The following APOO variants were observed in gnomAD, a reference collection of about 807,000 sequenced individuals.
APOO encodes MICOS complex subunit MIC26.
Under a neutral mutation model 23.1 loss-of-function variants are expected in APOO, and 11 were observed. That is an observed-to-expected ratio of 0.48 (90% CI 0.30 to 0.79). The LOEUF is 0.79. Among genes scored for constraint, APOO ranks in the 30% least tolerant of loss-of-function variants. APOO has a pLI of 0.07. For synonymous variants in APOO, 59 were observed against 54.8 expected, an observed-to-expected ratio of 1.08 and a Z score of -0.34; for missense variants, 160 against 142.7, an observed-to-expected ratio of 1.12 and a Z score of -0.62.
intron 1 of APOO, among the ~76,000 whole-genome samples, chrX:23,893,053 G>C (rs1394209120): frequency 9.1e-6 from 1 of 109,445 alleles, no homozygotes; most frequent in Non-Finnish European, 1.9e-5. Context: ...AAATGATGAA[G>C]ACAATAAAAA....
chrX:23,837,708 G>A (rs1923762371), intron 8 of APOO, among the ~76,000 whole-genome samples: 1 of 108,852 alleles, frequency 9.2e-6, no homozygotes, highest in South Asian at 3.9e-4. Flanking sequence ...TGCCCAGGTT[G>A]GAGTGCAGTG....
At chrX:23,872,310 T>C (rs370703232) in intron 4 of APOO, among the ~76,000 whole-genome samples, 5 of 110,606 alleles carry the variant, frequency 4.5e-5, no homozygotes, top group East Asian at 2.9e-4. Context: ...GCTGGAAGGA[T>C]TGCTTGAGCC....
chrX:23,885,999 A>T (rs987928733), intron 1 of APOO, among the ~76,000 whole-genome samples: 5 of 111,813 alleles, frequency 4.5e-5, no homozygotes, highest in Non-Finnish European at 9.4e-5. Context: ...ACTCAGCACT[A>T]CTGACATTTG....
chrX:23,858,107 G>T (rs1924857265), intron 6 of APOO, among the ~76,000 whole-genome samples: 1 of 110,543 alleles, frequency 9.0e-6, no homozygotes, highest in Non-Finnish European at 1.9e-5. Context: ...TGCTTGCCAG[G>T]GTACCATAAG....
intron 1 of APOO, among the ~76,000 whole-genome samples, chrX:23,898,743 T>C (rs1280437192): frequency 2.7e-5 from 3 of 111,400 alleles, no homozygotes; most frequent in Non-Finnish European, 3.8e-5. Flanking sequence ...CAACAGACAA[T>C]GTAGGAAACT....
chrX:23,872,546 A>AT (rs1245878303), intron 4 of APOO, among the ~76,000 whole-genome samples: 2 of 85,315 alleles, frequency 2.3e-5, no homozygotes, highest in African/African-American at 9.7e-5. Flanking sequence ...TATATATATA[A>AT]AATTTTTGTG....
intron 8 of APOO, chrX:23,836,716 T>C (rs1923698738): frequency 2.2e-6 from 1 of 448,589 alleles, no homozygotes; most frequent in African/African-American, 2.6e-5. Flanking sequence ...GGCATCTTCT[T>C]TCTGTAGCCA....
chrX:23,856,249 G>A, intron 7 of APOO, 53 bp downstream of exon 7: 1 of 1,096,585 alleles, frequency 9.1e-7, no homozygotes, highest in Non-Finnish European at 1.3e-6. Context: ...CAAAACCCTA[G>A]AGAAACCACA....
Position 23,856,283 on chromosome X carries a change from T to C in APOO, c.561+19A>G. 5 of 1,192,272 alleles carry C rather than the reference T, an allele frequency of 4.2e-6. No individual in the cohort carries two copies. The highest frequency in any genetic ancestry group is 5.7e-6 in the Non-Finnish European group (5 of 881,232). ...CATATTTAAACCAAAAGGAAGATAA[T>C]GAAAAAGATGCTCCTCACCTTTTGA... On this transcript the variant is annotated intron_variant, in intron 7 of 8. Coordinates refer to ENST00000379226, the MANE Select transcript of APOO (RefSeq NM_024122.5).
At chrX:23,856,562 TTTTTTTTTGAGA>T (rs1924794030) in intron 6 of APOO, among the ~76,000 whole-genome samples, 180 bp from the exon 7 acceptor site, 1 of 111,293 alleles carries the variant, frequency 9.0e-6, no homozygotes, top group Admixed American at 9.6e-5. Context: ...AGATTTTTTT[TTTTTTTTTGAGA>T]TGGAGTTTTC....
intron 2 of APOO, among the ~76,000 whole-genome samples, chrX:23,879,928 T>C (rs1192794046): frequency 2.7e-5 from 3 of 111,318 alleles, no homozygotes; most frequent in Non-Finnish European, 5.6e-5. Context: ...ACCAATCTAG[T>C]AACCCTACCC....
intron 8 of APOO, among the ~76,000 whole-genome samples, chrX:23,838,999 C>A (rs981075398): frequency 9.0e-6 from 1 of 111,360 alleles, no homozygotes; most frequent in Admixed American, 9.6e-5. Context: ...GAAATATAAC[C>A]ATATTAAAAG....
intron 7 of APOO, among the ~76,000 whole-genome samples, chrX:23,855,090 T>C (rs1601895548): frequency 9.7e-6 from 1 of 103,299 alleles, no homozygotes; most frequent in South Asian, 4.5e-4. Flanking sequence ...CAAGCTGGAG[T>C]GCAGTGGCGC....
chrX:23,873,303 T>C (rs1051383468), intron 4 of APOO, among the ~76,000 whole-genome samples: 4 of 111,307 alleles, frequency 3.6e-5, no homozygotes, highest in African/African-American at 1.3e-4. Flanking sequence ...TTAACATGCC[T>C]TAATAATTTA....
chrX:23,875,850 T>C (rs1250453039), intron 3 of APOO, among the ~76,000 whole-genome samples: 2 of 111,313 alleles, frequency 1.8e-5, no homozygotes, highest in Admixed American at 1.9e-4. Context: ...TTCATTAAAA[T>C]CCATTATTTC....
At chrX:23,885,691 C>T (rs1431133164) in intron 1 of APOO, among the ~76,000 whole-genome samples, 1 of 110,639 alleles carries the variant, frequency 9.0e-6, no homozygotes, top group Non-Finnish European at 1.9e-5. Context: ...GGCCTGCCTC[C>T]CTTTACTGCC....
At chrX:23,852,488 C>T (rs1012855012) in intron 7 of APOO, among the ~76,000 whole-genome samples, 3 of 109,833 alleles carry the variant, frequency 2.7e-5, no homozygotes, top group Non-Finnish European at 5.7e-5. Context: ...GTACTATGTA[C>T]CTGTAATCCC....
intron 8 of APOO, among the ~76,000 whole-genome samples, chrX:23,838,357 C>CAAAAAAAAAAAAAAAAAAAA (rs764414297): frequency 5.0e-5 from 1 of 20,073 alleles, no homozygotes; most frequent in African/African-American, 3.7e-4. Flanking sequence ...AACTCTATCT[C>CAAAAAAAAAAAAAAAAAAAA]AAAAAAAAAA....
chrX:23,892,423 T>G (rs1926704210), intron 1 of APOO, among the ~76,000 whole-genome samples: 1 of 109,666 alleles, frequency 9.1e-6, no homozygotes, highest in Admixed American at 9.8e-5. Flanking sequence ...CCCAGCTACT[T>G]TTTGGAATTT....
Sources: allele counts gnomAD v4.1 joint callset (sites outside exome capture counted in the v4.1 genomes callset), GRCh38; gene constraint gnomAD v4.1.1; transcripts MANE v1.5; gene names NCBI Gene and HGNC (gene_info 2026-07-23, HGNC 2026-07-21).